The following ZNF514 variants were observed in gnomAD, a reference collection of about 807,000 sequenced individuals.
ZNF514 encodes the protein zinc finger protein 514.
A neutral mutation model predicts 9.7 loss-of-function variants in ZNF514; 12 were observed. That is an observed-to-expected ratio of 1.24 (90% CI 0.79 to 2.01). ZNF514 has a LOEUF of 2.01. Among genes scored for constraint, ZNF514 ranks in the 30% most tolerant of loss-of-function variants. The probability of loss-of-function intolerance (pLI) is 0.00; values close to 1 mark genes in which losing one functional copy is unlikely to be tolerated. For missense variants in ZNF514, 467 were observed against 465.5 expected, an observed-to-expected ratio of 1.00 and a Z score of -0.03; for synonymous variants, 158 against 163.7, an observed-to-expected ratio of 0.97 and a Z score of 0.27.
chr2:95,149,836 A>G lies in ZNF514; in HGVS notation c.649T>C (p.Ser217Pro), dbSNP rs747075422. 2.5e-6 allele frequency: 4 copies of G among 1,614,196 alleles called. No homozygotes were observed. The South Asian group carries it at 3.3e-5, about 13-fold the overall frequency. ...CATCGCTGATGGCGCCTAAGTTCTG[A>G]CTGGAAGTGAAAGGACTTCCCACAC... ...NECGKSFHFQSELRRHQRCHT... is the reference protein window; with the variant it reads ...NECGKSFHFQPELRRHQRCHT... Residue 217 changes from serine to proline, a missense_variant, in exon 5 of 5, where the codon TCA (serine) becomes CCA (proline). Coordinates refer to ENST00000295208, the MANE Select transcript of ZNF514 (RefSeq NM_032788.3).
chr2:95,159,272 T>TTTA lies in ZNF514; in HGVS notation c.-129_-128insTAA. 1 of 165,106 alleles carries TTTA rather than the reference T, an allele frequency of 6.1e-6. No homozygotes were observed. The highest frequency in any genetic ancestry group is 1.3e-4 in the South Asian group (1 of 7,494). The allele number at this position is 165,106 out of a possible 1,614,324, so 10.2% of individuals were successfully genotyped here. A position where few individuals can be genotyped will look rare whatever the true frequency, so the allele number is the denominator to read the frequency against. The stretch of plus-strand genomic sequence containing the variant: ...TCGGCTCCTCCTCAGGACCAGGCTC[T>TTTA]GGAACCCAGCTCCCACGTGGATCCA... On this transcript the variant is annotated 5_prime_UTR_variant, in exon 1 of 5. Transcript: ENST00000295208.
chr2:95,130,072 C>T, the ZNF514 span, among the ~76,000 whole-genome samples: 5 of 152,014 alleles, frequency 3.3e-5, no homozygotes, highest in Admixed American at 1.3e-4. Flanking sequence ...TCCTAAGCGT[C>T]GACTGGCTTG....
the ZNF514 span, among the ~76,000 whole-genome samples, chr2:95,129,732 G>A: frequency 6.6e-6 from 1 of 152,188 alleles, no homozygotes; most frequent in Admixed American, 6.5e-5. Flanking sequence ...TTGCCTGGGA[G>A]TAGTGGCTCA....
the ZNF514 span, among the ~76,000 whole-genome samples, chr2:95,127,177 T>A: frequency 6.6e-6 from 1 of 152,246 alleles, no homozygotes; most frequent in Non-Finnish European, 1.5e-5. Context: ...TGTACGTTTT[T>A]GGTAGTGTAC....
chr2:95,138,870 TC>T, the ZNF514 span, among the ~76,000 whole-genome samples: 2 of 152,178 alleles, frequency 1.3e-5, no homozygotes, highest in Non-Finnish European at 2.9e-5. Flanking sequence ...TGGCAGCCCC[TC>T]CTGTCACAGG....
At chr2:95,142,438 T>C (rs892198590), downstream of ZNF514, among the ~76,000 whole-genome samples, 21 of 152,190 alleles carry the variant, frequency 1.4e-4, no homozygotes, top group Non-Finnish European at 2.9e-5. Flanking sequence ...GGTGATGAAT[T>C]AGTTACTTAT....
At chr2:95,139,591 T>C in the ZNF514 span, among the ~76,000 whole-genome samples, 1 of 118,816 alleles carries the variant, frequency 8.4e-6, no homozygotes, top group Non-Finnish European at 1.7e-5. Flanking sequence ...ATCTTGAAAG[T>C]AAATAACTTG....
At chr2:95,144,716 A>G (rs933970405), downstream of ZNF514, among the ~76,000 whole-genome samples, 3 of 152,214 alleles carry the variant, frequency 2.0e-5, no homozygotes, top group Non-Finnish European at 4.4e-5. Flanking sequence ...AGATATCATG[A>G]GAATTCCTGA....
chr2:95,131,740 C>T, the ZNF514 span, among the ~76,000 whole-genome samples: 1 of 152,156 alleles, frequency 6.6e-6, no homozygotes, highest in African/African-American at 2.4e-5. Context: ...ACTGGACAAC[C>T]ACAGGCAAAA....
chr2:95,157,443 G>A lies in ZNF514; in HGVS notation c.-95-4C>T. Reference sequence around the variant, plus strand: ...GCAGGATTCTGAGAAGGGGAAGCTGGGAAGGTAGAAGGAGACATAAGGGAA... The same window carrying A: ...GCAGGATTCTGAGAAGGGGAAGCTGAGAAGGTAGAAGGAGACATAAGGGAA... On this transcript the variant is annotated splice_region_variant and splice_polypyrimidine_tract_variant and intron_variant, in intron 1 of 4. Coordinates refer to ENST00000295208, the MANE Select transcript of ZNF514 (RefSeq NM_032788.3). The A allele has an allele frequency of 7.8e-7, 1 of 1,289,248 alleles. No homozygotes were observed. The allele number at this position is 1,289,248 out of a possible 1,614,324, so 79.9% of individuals were successfully genotyped here.
At position 95,159,072 on chromosome 2, in the gene ZNF514, G is replaced by A; in HGVS notation, c.-96+168C>T. 3 of 1,175,294 alleles carry A rather than the reference G, an allele frequency of 2.6e-6. No individual in the cohort carries two copies. In the South Asian group the frequency reaches 4.7e-5, roughly 18 times the overall value. The allele number at this position is 1,175,294 out of a possible 1,614,324, so 72.8% of individuals were successfully genotyped here. A position where few individuals can be genotyped will look rare whatever the true frequency, so the allele number is the denominator to read the frequency against. ...TGTGGTCCTCCCGAGGGTTCAGGGA[G>A]CGGGACGCAGGCTGGGGCTGCCTGG... On this transcript the variant is annotated intron_variant, in intron 1 of 4. Coordinates refer to ENST00000295208, the MANE Select transcript of ZNF514 (RefSeq NM_032788.3).
intron 4 of ZNF514, among the ~76,000 whole-genome samples, chr2:95,151,577 G>A (rs1356014209): frequency 1.3e-5 from 2 of 152,184 alleles, no homozygotes; most frequent in Non-Finnish European, 2.9e-5. Context: ...GTTGTTTAAA[G>A]CCACCAAGTT....
At chr2:95,127,794 A>T in the ZNF514 span, among the ~76,000 whole-genome samples, 1 of 152,014 alleles carries the variant, frequency 6.6e-6, no homozygotes, top group Non-Finnish European at 1.5e-5. Flanking sequence ...TTTTTAGTAG[A>T]GACAGGATTT....
At chr2:95,158,914 T>C (rs1221985933) in intron 1 of ZNF514, 3 of 1,289,640 alleles carry the variant, frequency 2.3e-6, no homozygotes, top group Non-Finnish European at 3.0e-6. Context: ...TCGGGCTCGG[T>C]ACTAGCTCCC....
the ZNF514 span, among the ~76,000 whole-genome samples, chr2:95,135,728 T>G: frequency 6.6e-6 from 1 of 151,914 alleles, no homozygotes; most frequent in Non-Finnish European, 1.5e-5. Flanking sequence ...GGTCTGGAAT[T>G]GTTTTCTTAA....
In ZNF514 at chr2:95,149,075, TATGGA is replaced by T. The variant is rs1673442320; in HGVS notation, c.*202_*206del. On this transcript the variant is annotated 3_prime_UTR_variant, in exon 5 of 5. Transcript: ENST00000295208. ...TTACATTCACGTGGTTTCTCACTAG[TATGGA>T]TTCTCCCATGTTTGGTAAGAGAGGG... 1.7e-6 allele frequency: 1 copy of T among 583,916 alleles called. No homozygotes were observed. Among genetic ancestry groups the T allele is most frequent in the Admixed American group, 3.5e-5 (1 of 28,854 alleles). 36.2% of individuals were successfully genotyped at this position (583,916 alleles called of 1,614,324 possible).
At chr2:95,142,913 A>G (rs781727822), downstream of ZNF514, among the ~76,000 whole-genome samples, 14 of 152,232 alleles carry the variant, frequency 9.2e-5, no homozygotes, top group Admixed American at 1.3e-4. Context: ...GTGATGGACA[A>G]TTGCATTGCT....
chr2:95,126,701 T>A, the ZNF514 span, among the ~76,000 whole-genome samples: 2 of 152,354 alleles, frequency 1.3e-5, no homozygotes, highest in Admixed American at 6.5e-5. Flanking sequence ...AGTTGGATTG[T>A]TTGGTTTCTT....
chr2:95,159,081 A>C (rs1240433445), intron 1 of ZNF514, 159 bp downstream of exon 1: 5 of 1,152,720 alleles, frequency 4.3e-6, no homozygotes, highest in Non-Finnish European at 5.5e-6. Context: ...AGCGGGACGC[A>C]GGCTGGGGCT....
Sources: allele counts gnomAD v4.1 joint callset (sites outside exome capture counted in the v4.1 genomes callset), GRCh38; gene constraint gnomAD v4.1.1; transcripts MANE v1.5; gene names NCBI Gene and HGNC (gene_info 2026-07-23, HGNC 2026-07-21).